Variants in EFCAB5 observed in about 807,000 individuals in gnomAD.
EFCAB5 encodes EF-hand calcium-binding domain-containing protein 5.
A neutral mutation model predicts 167.9 loss-of-function variants in EFCAB5; 131 were observed. The ratio of observed to expected loss-of-function variants is 0.78; its 90% CI spans 0.68 to 0.90. The LOEUF is 0.90. EFCAB5 is among the 40% of genes least tolerant of loss of function. The probability of loss-of-function intolerance (pLI) is 0.00; values close to 1 mark genes in which losing one functional copy is unlikely to be tolerated. For synonymous variants in EFCAB5, 574 were observed against 602.8 expected, an observed-to-expected ratio of 0.95 and a Z score of 0.70; for missense variants, 1,663 against 1,745.2, an observed-to-expected ratio of 0.95 and a Z score of 0.84.
At chr17:29,983,476 G>T (rs1482625516) in intron 4 of EFCAB5, among the ~76,000 whole-genome samples, 1 of 152,250 alleles carries the variant, frequency 6.6e-6, no homozygotes, top group Non-Finnish European at 1.5e-5. Context: ...TTCTTCATGG[G>T]AGGAGCTGCA....
At chr17:30,040,678 T>C (rs563061569) in intron 8 of EFCAB5, among the ~76,000 whole-genome samples, 8 of 152,274 alleles carry the variant, frequency 5.3e-5, no homozygotes, top group African/African-American at 1.9e-4. Context: ...GAGGAAGAAA[T>C]TGTAGAAAGT....
At chr17:30,052,324 C>T (rs2070125099) in intron 9 of EFCAB5, among the ~76,000 whole-genome samples, 1 of 152,074 alleles carries the variant, frequency 6.6e-6, no homozygotes, top group South Asian at 2.1e-4. Context: ...TGCCACCACA[C>T]CCAGCTATTT....
intron 14 of EFCAB5, among the ~76,000 whole-genome samples, chr17:30,061,408 C>T (rs1404504517): frequency 6.6e-6 from 1 of 152,100 alleles, no homozygotes; most frequent in African/African-American, 2.4e-5. Flanking sequence ...TGTTTGTTTG[C>T]TTGTTTTGGT....
intron 12 of EFCAB5, among the ~76,000 whole-genome samples, chr17:30,057,141 T>C (rs764741355): frequency 2.6e-5 from 4 of 152,174 alleles, no homozygotes; most frequent in Admixed American, 6.5e-5. Context: ...AACTAGAAAG[T>C]TCAGCGTGCA....
At chr17:30,099,855 G>A (rs756234423) in intron 22 of EFCAB5, among the ~76,000 whole-genome samples, 4 of 152,150 alleles carry the variant, frequency 2.6e-5, no homozygotes, top group East Asian at 3.9e-4. Context: ...CCCACAGAGC[G>A]CGTTCCCTCA....
chr17:29,985,351 A>G (rs1446022659), intron 4 of EFCAB5, among the ~76,000 whole-genome samples: 1 of 152,228 alleles, frequency 6.6e-6, no homozygotes, highest in Non-Finnish European at 1.5e-5. Context: ...ATGACCTGAG[A>G]TGCTTGTTAT....
chr17:30,032,685 A>G (rs1408360066), intron 7 of EFCAB5, among the ~76,000 whole-genome samples: 1 of 152,284 alleles, frequency 6.6e-6, no homozygotes, highest in East Asian at 1.9e-4. Context: ...TGTTCAACTC[A>G]ATATATTAAT....
chr17:30,061,641 T>G (rs1302712163), intron 14 of EFCAB5, among the ~76,000 whole-genome samples: 2 of 152,150 alleles, frequency 1.3e-5, no homozygotes, highest in Admixed American at 1.3e-4. Flanking sequence ...AGTGGCATAA[T>G]CATGGCTCAC....
intron 8 of EFCAB5, among the ~76,000 whole-genome samples, chr17:30,043,892 C>T (rs1459610225): frequency 1.3e-5 from 2 of 152,152 alleles, no homozygotes; most frequent in Non-Finnish European, 2.9e-5. Flanking sequence ...ATTTGTGTGG[C>T]ATTTCAAAGG....
chr17:29,937,374 ACGGGGTTTCACCATGT>A (rs2067254695), upstream of EFCAB5, among the ~76,000 whole-genome samples: 1 of 151,906 alleles, frequency 6.6e-6, no homozygotes, highest in Non-Finnish European at 1.5e-5. Context: ...TTTAGTAGAG[ACGGGGTTTCACCATGT>A]TGACCAGGCT....
At chr17:30,051,058 A>G (rs2070078552) in intron 8 of EFCAB5, 60 bp from the exon 9 acceptor site, 1 of 1,475,132 alleles carries the variant, frequency 6.8e-7, no homozygotes, top group South Asian at 1.2e-5. Context: ...CCACGTTCCA[A>G]CTGCATAAAA....
At chr17:30,053,131 A>G in intron 9 of EFCAB5, 124 bp from the exon 10 acceptor site, 1 of 1,108,240 alleles carries the variant, frequency 9.0e-7, no homozygotes. Flanking sequence ...ACTGATATTT[A>G]TTTAGAGCAA....
intron 14 of EFCAB5, among the ~76,000 whole-genome samples, chr17:30,061,996 T>C (rs1453332828): frequency 6.6e-6 from 1 of 152,276 alleles, no homozygotes; most frequent in Non-Finnish European, 1.5e-5. Flanking sequence ...TTTTTCCCCA[T>C]TACTTTTCAT....
chr17:30,068,980 G>A, intron 14 of EFCAB5: 1 of 1,473,274 alleles, frequency 6.8e-7, no homozygotes, highest in Non-Finnish European at 9.5e-7. Flanking sequence ...ACGAACAGAA[G>A]CTCACAAGGA....
At chr17:30,096,677 A>ATATATATATTTT (rs1193558323) in intron 22 of EFCAB5, among the ~76,000 whole-genome samples, 47 of 60,118 alleles carry the variant, frequency 7.8e-4, no homozygotes, top group African/African-American at 3.9e-3. Context: ...ATATATATAT[A>ATATATATATTTT]TTTTTTTTTT....
At chr17:30,007,936 C>G (rs1277300414) in intron 7 of EFCAB5, among the ~76,000 whole-genome samples, 1 of 151,990 alleles carries the variant, frequency 6.6e-6, no homozygotes, top group African/African-American at 2.4e-5. Context: ...TGCAGTGAAC[C>G]ATGATTGCAC....
intron 7 of EFCAB5, among the ~76,000 whole-genome samples, chr17:30,024,620 A>G (rs905688485): frequency 6.6e-6 from 1 of 151,952 alleles, no homozygotes; most frequent in Non-Finnish European, 1.5e-5. Flanking sequence ...AAGGTAATTT[A>G]TAGATTCAAT....
chr17:29,934,081 T>G lies in EFCAB5; in HGVS notation c.-127+4752T>G, dbSNP rs1457690869. Among the ~76,000 whole-genome samples, 4 of 152,334 alleles carry G rather than the reference T, an allele frequency of 2.6e-5. No homozygotes were observed. The East Asian group carries it at 7.7e-4, about 29-fold the overall frequency. ...CAAACAAAGATGTCTAAAAATTTAA[T>G]GAAAAACCTGAGATTGCTTCTGTAA... On this transcript the variant is annotated intron_variant, in intron 1 of 3. Coordinates refer to the EFCAB5 transcript ENST00000448319.
chr17:29,965,999 T>A (rs2067819776), intron 3 of EFCAB5, among the ~76,000 whole-genome samples: 1 of 152,184 alleles, frequency 6.6e-6, no homozygotes, highest in Admixed American at 6.5e-5. Flanking sequence ...GAAATAAATT[T>A]ACTTTTGTAT....
Sources: allele counts gnomAD v4.1 joint callset (sites outside exome capture counted in the v4.1 genomes callset), GRCh38; gene constraint gnomAD v4.1.1; transcripts MANE v1.5; gene names NCBI Gene and HGNC (gene_info 2026-07-23, HGNC 2026-07-21).